Variants in RAD51B observed in about 807,000 individuals in gnomAD.
RAD51B encodes the protein RAD51 paralog B.
In RAD51B, 38 loss-of-function variants were observed where a neutral mutation model predicts 42.2. The ratio of observed to expected loss-of-function variants is 0.90; its 90% CI spans 0.70 to 1.18. The LOEUF is 1.18. Among genes scored for constraint, RAD51B ranks in the 50% most tolerant of loss-of-function variants. The pLI, the probability that RAD51B is intolerant of heterozygous loss-of-function variation, is 0.00. For synonymous variants in RAD51B, 154 were observed against 145.2 expected, an observed-to-expected ratio of 1.06 and a Z score of -0.43; for missense variants, 373 against 400.7, an observed-to-expected ratio of 0.93 and a Z score of 0.59.
chr14:68,442,435 CTTTTT>C (rs774360651), intron 9 of RAD51B, among the ~76,000 whole-genome samples: 1 of 68,406 alleles, frequency 1.5e-5, no homozygotes, highest in Non-Finnish European at 2.6e-5. Context: ...AGGCATTGTG[CTTTTT>C]TTTTTTTTTT....
At chr14:68,513,078 G>A (rs1484860283) in intron 10 of RAD51B, among the ~76,000 whole-genome samples, 1 of 152,156 alleles carries the variant, frequency 6.6e-6, no homozygotes, top group Non-Finnish European at 1.5e-5. Context: ...CAGAGCAGTG[G>A]GCAGGGGCCA....
At chr14:68,145,522 GTTA>G (rs1403016113) in intron 7 of RAD51B, among the ~76,000 whole-genome samples, 5 of 152,158 alleles carry the variant, frequency 3.3e-5, no homozygotes, top group South Asian at 2.1e-4. Flanking sequence ...TGTTTAATAA[GTTA>G]TTATAAAAAT....
chr14:68,628,421 C>G (rs1188846085), intron 10 of RAD51B: 1 of 152,354 alleles, frequency 6.6e-6, no homozygotes, highest in Non-Finnish European at 1.5e-5. Flanking sequence ...CCTGGCCCAG[C>G]ACAGTGCTTG....
intron 8 of RAD51B, among the ~76,000 whole-genome samples, chr14:68,304,477 A>G (rs1456644336): frequency 6.6e-6 from 1 of 152,226 alleles, no homozygotes; most frequent in East Asian, 1.9e-4. Flanking sequence ...TGATCATACA[A>G]CTACCTCAGC....
chr14:67,921,616 C>CAA (rs1216018062), intron 7 of RAD51B, among the ~76,000 whole-genome samples: 74 of 145,046 alleles, frequency 5.1e-4, no homozygotes, highest in African/African-American at 1.8e-3. Flanking sequence ...CACACACACA[C>CAA]ACACACATTT....
intron 7 of RAD51B, among the ~76,000 whole-genome samples, chr14:67,935,383 C>T (rs1284811373): frequency 6.6e-6 from 1 of 151,558 alleles, no homozygotes; most frequent in Admixed American, 6.6e-5. Flanking sequence ...GTTTTTTTTT[C>T]AGAGACAGTC....
At chr14:68,096,288 T>A (rs2077193258) in intron 7 of RAD51B, among the ~76,000 whole-genome samples, 1 of 152,230 alleles carries the variant, frequency 6.6e-6, no homozygotes, top group East Asian at 1.9e-4. Context: ...CTTTTAGAGA[T>A]GAGTACTTCG....
At chr14:68,030,845 G>A (rs1310032724) in intron 7 of RAD51B, among the ~76,000 whole-genome samples, 5 of 152,194 alleles carry the variant, frequency 3.3e-5, no homozygotes, top group South Asian at 2.1e-4. Flanking sequence ...TTCCTTTAAC[G>A]TGAACACCTA....
intron 7 of RAD51B, among the ~76,000 whole-genome samples, chr14:68,179,500 TA>T (rs991405406): frequency 6.6e-6 from 1 of 152,218 alleles, no homozygotes; most frequent in African/African-American, 2.4e-5. Flanking sequence ...TACAGAATAT[TA>T]AAAGTATGTA....
At position 68,497,252 on chromosome 14, in the gene RAD51B, T is replaced by G. The variant is rs957205628; in HGVS notation, c.1036+29002T>G. 3.0e-6 allele frequency: 4 copies of G among 1,354,504 alleles called. No individual in the cohort carries two copies. In the African/African-American group the frequency reaches 5.8e-5, roughly 20 times the overall value. The allele number at this position is 1,354,504 out of a possible 1,614,324, so 83.9% of individuals were successfully genotyped here. On this transcript the variant is annotated intron_variant, in intron 10 of 10. Transcript: ENST00000487270. ...TGGTGAAACACCCATCGTTCTCTGC[T>G]AAAACATTTGGTTGCTACTGTGTAG...
chr14:68,435,964 A>G (rs1464605758), intron 9 of RAD51B, among the ~76,000 whole-genome samples: 3 of 152,090 alleles, frequency 2.0e-5, no homozygotes, highest in East Asian at 1.9e-4. Context: ...ATTTTCTCCA[A>G]TTCTGTAGGT....
chr14:68,421,674 G>A (rs2084704167), intron 9 of RAD51B: 2 of 1,538,762 alleles, frequency 1.3e-6, no homozygotes, highest in African/African-American at 1.4e-5. Context: ...TGGTCTGGTG[G>A]TTAAGATAAA....
At chr14:68,331,022 A>G (rs903852767) in intron 8 of RAD51B, among the ~76,000 whole-genome samples, 5 of 152,292 alleles carry the variant, frequency 3.3e-5, no homozygotes, top group Admixed American at 2.6e-4. Flanking sequence ...CTTTTAAAAT[A>G]TAGTTTTAAA....
intron 10 of RAD51B, among the ~76,000 whole-genome samples, chr14:68,543,436 A>G (rs1888068457): frequency 6.6e-6 from 1 of 152,270 alleles, no homozygotes; most frequent in Admixed American, 6.5e-5. Flanking sequence ...AAGACATATT[A>G]TTGAATATCA....
chr14:68,244,937 A>G (rs781648410), intron 7 of RAD51B, among the ~76,000 whole-genome samples: 9 of 152,220 alleles, frequency 5.9e-5, no homozygotes, highest in Non-Finnish European at 1.2e-4. Context: ...ACAATGTCCT[A>G]ACATTTGGGT....
At chr14:68,682,798 T>C (rs1893460444) in intron 11 of RAD51B, 1 of 296,348 alleles carries the variant, frequency 3.4e-6, no homozygotes, top group Non-Finnish European at 4.9e-6. Context: ...AAAGAAAAAG[T>C]GGGGAGAGGG....
intron 7 of RAD51B, among the ~76,000 whole-genome samples, chr14:67,987,064 A>G (rs2075207146): frequency 1.3e-5 from 2 of 152,066 alleles, no homozygotes; most frequent in Admixed American, 6.5e-5. Context: ...TTGTGGGTAC[A>G]TAGTCAGTGT....
chr14:68,217,196 G>A (rs1183807727), intron 7 of RAD51B, among the ~76,000 whole-genome samples: 4 of 152,130 alleles, frequency 2.6e-5, no homozygotes, highest in Non-Finnish European at 5.9e-5. Flanking sequence ...AGTCTCCTAT[G>A]ACAAGGCCTG....
intron 10 of RAD51B, among the ~76,000 whole-genome samples, chr14:68,568,909 C>T (rs1214863786): frequency 6.6e-6 from 1 of 152,122 alleles, no homozygotes; most frequent in Non-Finnish European, 1.5e-5. Flanking sequence ...TTGTTTCTTC[C>T]CCCTGCATGG....
Sources: allele counts gnomAD v4.1 joint callset (sites outside exome capture counted in the v4.1 genomes callset), GRCh38; gene constraint gnomAD v4.1.1; transcripts MANE v1.5; gene names NCBI Gene and HGNC (gene_info 2026-07-23, HGNC 2026-07-21).